CABLES1: variants seen among roughly 807,000 people sequenced by gnomAD.
The protein encoded by CABLES1 is CDK5 and ABL1 enzyme substrate 1.
In CABLES1, 36 loss-of-function variants were observed where a neutral mutation model predicts 57.8. That is an observed-to-expected ratio of 0.62 (90% CI 0.48 to 0.82). The LOEUF is 0.82. CABLES1 is among the 40% of genes least tolerant of loss of function. The probability of loss-of-function intolerance (pLI) is 0.00; values close to 1 mark genes in which losing one functional copy is unlikely to be tolerated. For missense variants in CABLES1, 767 were observed against 836.6 expected (o/e 0.92, Z 1.03); for synonymous variants, 374 against 363.0 (o/e 1.03, Z -0.35).
At chr18:23,239,649 T>A (rs182887620) in intron 7 of CABLES1, among the ~76,000 whole-genome samples, 1 of 152,350 alleles carries the variant, frequency 6.6e-6, no homozygotes, top group East Asian at 1.9e-4. Flanking sequence ...AGAATTCGCC[T>A]GTTGAACCAA....
chr18:23,177,788 C>CT (rs1054927765), intron 1 of CABLES1, among the ~76,000 whole-genome samples: 1 of 152,112 alleles, frequency 6.6e-6, no homozygotes, highest in African/African-American at 2.4e-5. Context: ...AAAACCTTGG[C>CT]TCTCCCTGGC....
intron 1 of CABLES1, among the ~76,000 whole-genome samples, chr18:23,166,749 T>C (rs1465580211): frequency 6.6e-6 from 1 of 152,220 alleles, no homozygotes; most frequent in Non-Finnish European, 1.5e-5. Context: ...CAGCATGTAC[T>C]ATGTTATCAG....
Position 23,194,068 on chromosome 18 carries a change from C to T in CABLES1, c.918-380C>T, listed in dbSNP as rs145886465. Among the ~76,000 whole-genome samples the T allele has an allele frequency of 4.3e-3, 650 of 152,266 alleles. 3 individuals carry two copies. The highest frequency in any genetic ancestry group is 0.014 in the Middle Eastern group (4 of 294). ...TGAATTTTCCGATGTTTCCCTACCC[C>T]CTTTAAATGTACAGTTTTTGGTTCC... On this transcript the variant is annotated intron_variant, in intron 2 of 9. Transcript: ENST00000256925.
intron 7 of CABLES1, among the ~76,000 whole-genome samples, chr18:23,247,428 A>G (rs905272255): frequency 2.0e-5 from 3 of 152,306 alleles, no homozygotes; most frequent in African/African-American, 7.2e-5. Flanking sequence ...CTCAAGATGC[A>G]GCTTATGTGC....
intron 4 of CABLES1, among the ~76,000 whole-genome samples, chr18:23,227,615 C>T (rs1221624860): frequency 1.3e-5 from 2 of 152,136 alleles, no homozygotes; most frequent in Non-Finnish European, 2.9e-5. Context: ...GCACCTTCTG[C>T]TTGATGTCAG....
intron 1 of CABLES1, among the ~76,000 whole-genome samples, chr18:23,167,251 G>A (rs2047049239): frequency 6.6e-6 from 1 of 151,848 alleles, no homozygotes; most frequent in African/African-American, 2.4e-5. Flanking sequence ...AGGCTGCTTT[G>A]GGAGACTTCC....
chr18:23,139,468 G>A (rs1403539081), intron 1 of CABLES1, among the ~76,000 whole-genome samples: 2 of 151,170 alleles, frequency 1.3e-5, no homozygotes, highest in East Asian at 3.9e-4. Context: ...CTTTCTTCTT[G>A]GTTACTTTCA....
chr18:23,139,424 AT>A lies in CABLES1; in HGVS notation c.845+2819del, dbSNP rs1422494886. On this transcript the variant is annotated intron_variant, in intron 1 of 9. Coordinates refer to ENST00000256925, the MANE Select transcript of CABLES1 (RefSeq NM_001100619.3). ...ATCTCAAAAAAAAAAAAAAAAAAAAATTAGAATGTCTCCCAATCTGCAATCT... is the reference window on the plus strand; with the variant it reads ...ATCTCAAAAAAAAAAAAAAAAAAAAATAGAATGTCTCCCAATCTGCAATCT... 5.6e-4 allele frequency among the ~76,000 whole-genome samples: 81 copies of A among 145,592 alleles called. 1 individual carries two copies. The highest frequency in any genetic ancestry group is 1.8e-3 in the African/African-American group (71 of 40,400).
At position 23,259,445 on chromosome 18, in the gene CABLES1, T is replaced by C. The variant is rs964302521; in HGVS notation, c.*2078T>C. On this transcript the variant is annotated 3_prime_UTR_variant, in exon 10 of 10. Transcript: ENST00000256925. ...TAATTTACTTGGATTTGGGGTGATTTGTTTGGTTTTTAGCATTTATGAGGT... is the reference window on the plus strand; with the variant it reads ...TAATTTACTTGGATTTGGGGTGATTCGTTTGGTTTTTAGCATTTATGAGGT... The C allele has an allele frequency of 2.1e-4, 32 of 152,216 alleles. No homozygotes were observed. The highest frequency in any genetic ancestry group is 7.2e-4 in the African/African-American group (30 of 41,426). 9.4% of individuals were successfully genotyped at this position (152,216 alleles called of 1,614,324 possible).
intron 7 of CABLES1, among the ~76,000 whole-genome samples, chr18:23,248,042 T>C (rs1362487475): frequency 6.6e-6 from 1 of 152,158 alleles, no homozygotes; most frequent in Admixed American, 6.5e-5. Context: ...ACAAGGCTGC[T>C]TGTAAAAAAG....
chr18:23,242,783 CTATT>C (rs2047767979), intron 7 of CABLES1, among the ~76,000 whole-genome samples: 1 of 152,138 alleles, frequency 6.6e-6, no homozygotes, highest in Non-Finnish European at 1.5e-5. Context: ...GATAAAATGC[CTATT>C]TTTTATTTAC....
Position 23,136,390 on chromosome 18 carries a change from G to A in CABLES1, c.628G>A (p.Glu210Lys). 2 of 1,575,428 alleles carry A rather than the reference G, an allele frequency of 1.3e-6. No individual in the cohort carries two copies. The highest frequency in any genetic ancestry group is 1.7e-6 in the Non-Finnish European group (2 of 1,162,924). Reference sequence around the variant, plus strand: ...GGCCGCCGGGCAGGAGGAGTTGGAGGAGGACGATGCCTTTATCAGCGTGCA... The same window carrying A: ...GGCCGCCGGGCAGGAGGAGTTGGAGAAGGACGATGCCTTTATCAGCGTGCA... ...SGAAGQEELE[E>K]DDAFISVQVP... Residue 210 changes from glutamate to lysine, a missense_variant, in exon 1 of 10, where the codon GAG (glutamate) becomes AAG (lysine). By Grantham distance (56) the Glu-to-Lys change is moderately conservative. Coordinates refer to ENST00000256925, the MANE Select transcript of CABLES1 (RefSeq NM_001100619.3).
chr18:23,182,264 T>C (rs1216440355), intron 1 of CABLES1, among the ~76,000 whole-genome samples: 2 of 152,220 alleles, frequency 1.3e-5, no homozygotes, highest in Non-Finnish European at 2.9e-5. Context: ...GCCTCAGTGC[T>C]CCAGGCTAAC....
chr18:23,248,366 A>C (rs2047951215), intron 7 of CABLES1, among the ~76,000 whole-genome samples: 1 of 152,186 alleles, frequency 6.6e-6, no homozygotes, highest in African/African-American at 2.4e-5. Context: ...TCTGAAGTGC[A>C]GCATCCACTC....
chr18:23,179,200 C>T lies in CABLES1; in HGVS notation c.846-9638C>T, dbSNP rs556422775. On this transcript the variant is annotated intron_variant, in intron 1 of 9. Transcript: ENST00000256925. Reference sequence around the variant, plus strand: ...ACTCAGGGGGCTGAGGCAGGAGAATCGCTTGAACCCAGGAAGCAGAGGTTG... The same window carrying T: ...ACTCAGGGGGCTGAGGCAGGAGAATTGCTTGAACCCAGGAAGCAGAGGTTG... Among the ~76,000 whole-genome samples, 10 of 152,100 alleles carry T rather than the reference C, an allele frequency of 6.6e-5. No homozygotes were observed. The East Asian group carries it at 1.5e-3, about 24-fold the overall frequency.
At chr18:23,219,234 T>C (rs1284866855) in intron 4 of CABLES1, 3 of 454,018 alleles carry the variant, frequency 6.6e-6, no homozygotes, top group African/African-American at 6.0e-5. Flanking sequence ...CTACTCTCCG[T>C]GCCATCCCTC....
At chr18:23,185,957 C>A (rs1330148888) in intron 1 of CABLES1, among the ~76,000 whole-genome samples, 1 of 152,128 alleles carries the variant, frequency 6.6e-6, no homozygotes, top group Admixed American at 6.5e-5. Context: ...GTAGGGAGAC[C>A]TGAGAGCAGT....
At chr18:23,138,733 C>G (rs909584338) in intron 1 of CABLES1, among the ~76,000 whole-genome samples, 9 of 152,186 alleles carry the variant, frequency 5.9e-5, no homozygotes, top group Admixed American at 5.2e-4. Flanking sequence ...TTGTGGAAAC[C>G]TTTCCTGGTG....
chr18:23,197,900 G>A (rs2047296279), intron 3 of CABLES1: 1 of 152,176 alleles, frequency 6.6e-6, no homozygotes, highest in Non-Finnish European at 1.5e-5. Flanking sequence ...AAAGTTACAA[G>A]GATGATAAGA....
Sources: gnomAD v4.1 joint callset for allele counts (sites outside exome capture counted in the v4.1 genomes callset) on GRCh38, gnomAD v4.1.1 for gene constraint, MANE v1.5 for transcripts, NCBI Gene and HGNC (gene_info 2026-07-23, HGNC 2026-07-21) for gene names.